The following BAZ1A variants were observed in gnomAD, a reference collection of about 807,000 sequenced individuals.
BAZ1A encodes the protein bromodomain adjacent to zinc finger domain 1A.
Under a neutral mutation model 185.2 loss-of-function variants are expected in BAZ1A, and 50 were observed. That is an observed-to-expected ratio of 0.27 (90% confidence interval 0.22 to 0.34). The LOEUF (loss-of-function observed/expected upper bound fraction) is 0.34, where lower values mean the gene tolerates loss of function less well. Ranked by LOEUF, BAZ1A falls within the 10% of genes least tolerant of loss-of-function variation. The pLI is 1.00. For synonymous variants in BAZ1A, 571 were observed against 615.6 expected, an observed-to-expected ratio of 0.93 and a Z score of 1.07; for missense variants, 1,356 against 1,839.9, an observed-to-expected ratio of 0.74 and a Z score of 4.81.
intron 3 of BAZ1A, among the ~76,000 whole-genome samples, chr14:34,830,571 A>G (rs2042226777): frequency 6.6e-6 from 1 of 152,104 alleles, no homozygotes; most frequent in African/African-American, 2.4e-5. Flanking sequence ...GTGACTGCTA[A>G]TGGGCAAAGC....
chr14:34,860,522 AAAAAAAAAAAAAAGC>A (rs1460876117), intron 3 of BAZ1A, among the ~76,000 whole-genome samples: 1 of 148,510 alleles, frequency 6.7e-6, no homozygotes. Flanking sequence ...AAAAGTTAAA[AAAAAAAAAAAAAAGC>A]AAAAAAAAAA....
intron 2 of BAZ1A, among the ~76,000 whole-genome samples, chr14:34,872,146 T>C (rs947923776): frequency 6.6e-6 from 1 of 152,180 alleles, no homozygotes; most frequent in African/African-American, 2.4e-5. Context: ...GTCAAATACC[T>C]TTGCTCCCAA....
chr14:34,775,079 G>C, intron 18 of BAZ1A, among the ~76,000 whole-genome samples: 1 of 152,002 alleles, frequency 6.6e-6, no homozygotes, highest in East Asian at 1.9e-4. Context: ...AGCTGGGTGT[G>C]GTGGCGGGCG....
chr14:34,819,447 C>A (rs1174752429), intron 4 of BAZ1A, among the ~76,000 whole-genome samples: 1 of 152,112 alleles, frequency 6.6e-6, no homozygotes. Flanking sequence ...TAGTTGGAAT[C>A]ATAAGTATGT....
At chr14:34,859,123 T>A (rs1043166960) in intron 3 of BAZ1A, among the ~76,000 whole-genome samples, 11 of 152,178 alleles carry the variant, frequency 7.2e-5, no homozygotes, top group African/African-American at 2.7e-4. Flanking sequence ...TCACACTTCA[T>A]AGGACAGTGT....
At chr14:34,855,705 C>A (rs1479369629) in intron 3 of BAZ1A, among the ~76,000 whole-genome samples, 1 of 152,092 alleles carries the variant, frequency 6.6e-6, no homozygotes, top group African/African-American at 2.4e-5. Context: ...CCAGCCTGGG[C>A]AACATGGCGA....
intron 19 of BAZ1A, among the ~76,000 whole-genome samples, chr14:34,773,960 T>C (rs979218116): frequency 5.3e-5 from 8 of 152,212 alleles, no homozygotes; most frequent in Non-Finnish European, 8.8e-5. Flanking sequence ...AGTTCTAAGA[T>C]TGGTCACTTG....
Position 34,785,881 on chromosome 14 carries a change from C to G in BAZ1A, c.1727G>C (p.Arg576Pro). ...SANAKYRYQKRGGFDATDDAC... is the reference protein window; with the variant it reads ...SANAKYRYQKPGGFDATDDAC... Reference sequence around the variant, plus strand: ...ATCATCTGTAGCATCAAATCCTCCTCGTTTTTGATATCTATACTTTGCATT... The same window carrying G: ...ATCATCTGTAGCATCAAATCCTCCTGGTTTTTGATATCTATACTTTGCATT... The change falls in exon 14 of 27, where the codon CGA becomes CCA. Residue 576 changes from arginine to proline, a missense_variant. By Grantham distance (103) the Arg-to-Pro change is moderately radical. Transcript: ENST00000360310. 1 of 1,614,068 alleles carries G rather than the reference C, an allele frequency of 6.2e-7. No homozygotes were observed. Among genetic ancestry groups the G allele is most frequent in the Non-Finnish European group, 8.5e-7 (1 of 1,180,020 alleles).
At chr14:34,875,104 C>A (rs983297564) in intron 1 of BAZ1A, 34 bp downstream of exon 1, 4 of 363,458 alleles carry the variant, frequency 1.1e-5, no homozygotes, top group African/African-American at 8.5e-5. Context: ...TCCACTTCCC[C>A]GCCGGCGCCG....
At chr14:34,838,454 C>T (rs921092327) in intron 3 of BAZ1A, among the ~76,000 whole-genome samples, 1 of 151,864 alleles carries the variant, frequency 6.6e-6, no homozygotes, top group African/African-American at 2.4e-5. Flanking sequence ...ATAACTATAT[C>T]AATGTCAGTA....
intron 14 of BAZ1A, 92 bp from the exon 15 acceptor site, chr14:34,784,019 C>T (rs1356336295): frequency 8.6e-7 from 1 of 1,167,622 alleles, no homozygotes; most frequent in African/African-American, 1.6e-5. Context: ...TGTGAAAATG[C>T]CTAATAAAGA....
At chr14:34,794,704 T>C in intron 11 of BAZ1A, 45 bp downstream of exon 11, 1 of 1,570,398 alleles carries the variant, frequency 6.4e-7, no homozygotes, top group South Asian at 1.2e-5. Flanking sequence ...AGCCACTAAT[T>C]TTAGGATGAA....
chr14:34,786,521 CA>C (rs1880449252), intron 12 of BAZ1A: 1 of 235,070 alleles, frequency 4.3e-6, no homozygotes, highest in East Asian at 1.1e-4. Context: ...GAATTAAAAA[CA>C]AATCTCCTCA....
intron 3 of BAZ1A, among the ~76,000 whole-genome samples, chr14:34,827,767 C>A (rs2042185146): frequency 6.6e-6 from 1 of 151,306 alleles, no homozygotes; most frequent in South Asian, 2.1e-4. Flanking sequence ...CATATATTGG[C>A]ACAATATCTT....
At chr14:34,854,065 T>A (rs1443914033) in intron 3 of BAZ1A, among the ~76,000 whole-genome samples, 4 of 150,698 alleles carry the variant, frequency 2.7e-5, no homozygotes, top group African/African-American at 9.8e-5. Flanking sequence ...CTTAAAGTTA[T>A]TTTAACTGAA....
intron 20 of BAZ1A, among the ~76,000 whole-genome samples, chr14:34,772,345 C>T (rs1384987180): frequency 6.6e-6 from 1 of 152,066 alleles, no homozygotes; most frequent in Admixed American, 6.6e-5. Context: ...AACTTTAGGG[C>T]TCAGCTTTGC....
chr14:34,802,979 G>A lies in BAZ1A; in HGVS notation c.736C>T (p.Leu246Phe). ...DGVIKIKASSLSTYKIAEQDF... is the reference protein window; with the variant it reads ...DGVIKIKASSFSTYKIAEQDF... The stretch of plus-strand genomic sequence containing the variant: ...TGTTCTGCTATTTTATACGTTGAAA[G>A]AGATGATGCCTTAATAAAACAAAGA... The change falls in exon 7 of 27, where the codon CTT becomes TTT. Residue 246 changes from leucine (L) to phenylalanine (F), a missense_variant. By Grantham distance (22) the Leu-to-Phe change is conservative (BLOSUM62 0). This residue lies in a region of BAZ1A where 332 missense variants were observed against 395.3 expected (regional missense o/e 0.84). Transcript: ENST00000360310. The A allele has an allele frequency of 1.2e-6, 2 of 1,610,530 alleles. No individual in the cohort carries two copies. Among genetic ancestry groups the A allele is most frequent in the Non-Finnish European group, 8.5e-7 (1 of 1,176,942 alleles).
At chr14:34,793,591 G>A (rs1880991064) in intron 11 of BAZ1A, among the ~76,000 whole-genome samples, 2 of 151,936 alleles carry the variant, frequency 1.3e-5, no homozygotes, top group South Asian at 4.2e-4. Flanking sequence ...GGTGGATCAC[G>A]AGGTCAGGAG....
At chr14:34,758,498 T>G (rs1432541860) in intron 25 of BAZ1A, 3 of 450,878 alleles carry the variant, frequency 6.7e-6, no homozygotes, top group African/African-American at 6.1e-5. Flanking sequence ...GAGAATCGCT[T>G]GAACCTGGGA....
Sources: gnomAD v4.1 joint callset for allele counts (sites outside exome capture counted in the v4.1 genomes callset) on GRCh38, gnomAD v4.1.1 for gene constraint, gnomAD v4.1.1 regional missense constraint, MANE v1.5 for transcripts, NCBI Gene and HGNC (gene_info 2026-07-23, HGNC 2026-07-21) for gene names.